Variants in PLCB1 observed in about 807,000 individuals in gnomAD.
PLCB1 encodes the protein phospholipase C beta 1.
In PLCB1, 46 loss-of-function variants were observed where a neutral mutation model predicts 161.8. The ratio of observed to expected loss-of-function variants is 0.28; its 90% CI spans 0.22 to 0.36. The LOEUF (loss-of-function observed/expected upper bound fraction) is 0.36, where lower values mean the gene tolerates loss of function less well. PLCB1 is among the 10% of genes least tolerant of loss of function. The pLI is 1.00. For synonymous variants in PLCB1, 517 were observed against 503.7 expected, an observed-to-expected ratio of 1.03 and a Z score of -0.35; for missense variants, 1,016 against 1,472.5, an observed-to-expected ratio of 0.69 and a Z score of 5.07.
intron 5 of PLCB1, among the ~76,000 whole-genome samples, chr20:8,647,318 T>A (rs1254707751): frequency 1.3e-5 from 2 of 152,244 alleles, no homozygotes; most frequent in Non-Finnish European, 2.9e-5. Context: ...TTATTGCTAG[T>A]TGGCTAATCA....
intron 9 of PLCB1, among the ~76,000 whole-genome samples, chr20:8,668,978 G>A (rs139328718): frequency 3.0e-3 from 451 of 152,270 alleles, no homozygotes; most frequent in Middle Eastern, 6.8e-3. Flanking sequence ...ATGCAGTTGC[G>A]TGGACACTTT....
At chr20:8,557,876 G>A (rs888842805) in intron 3 of PLCB1, among the ~76,000 whole-genome samples, 1 of 151,764 alleles carries the variant, frequency 6.6e-6, no homozygotes, top group Non-Finnish European at 1.5e-5. Context: ...AAAAAATTAT[G>A]AGTCATGAGA....
At chr20:8,741,635 C>A (rs1980886709) in intron 23 of PLCB1, 62 bp downstream of exon 23, 1 of 1,085,418 alleles carries the variant, frequency 9.2e-7, no homozygotes, top group African/African-American at 1.6e-5. Flanking sequence ...TACTTGTTGG[C>A]TTTGCCTAAG....
intron 31 of PLCB1, among the ~76,000 whole-genome samples, chr20:8,848,665 C>T (rs532713029): frequency 1.2e-4 from 18 of 152,238 alleles, no homozygotes; most frequent in Admixed American, 2.0e-4. Flanking sequence ...CTAAGCTACT[C>T]ACCTCATGAG....
rs544522536 is a variant in PLCB1 at position 8,757,545 on chromosome 20, G to A, written c.2656+367G>A. ...TCTTGCTTCATTAATTCTGTGCCAA[G>A]GGCTCCTTTCCCTCTTTCTCCAACT... On this transcript the variant is annotated intron_variant, in intron 24 of 31. Transcript: ENST00000338037. 3.3e-5 allele frequency among the ~76,000 whole-genome samples: 5 copies of A among 152,240 alleles called. No individual in the cohort carries two copies. The South Asian group carries it at 1.0e-3, about 32-fold the overall frequency.
intron 31 of PLCB1, among the ~76,000 whole-genome samples, chr20:8,854,711 G>A (rs377238738): frequency 1.3e-5 from 2 of 152,186 alleles, no homozygotes; most frequent in African/African-American, 2.4e-5. Context: ...ACTGAAAAGC[G>A]AGGAAGAGCC....
In PLCB1 at chr20:8,765,120, T is replaced by C. The variant is rs780766767; in HGVS notation, c.2711-19T>C. 6.3e-7 allele frequency: 1 copy of C among 1,599,324 alleles called. No homozygotes were observed. Among genetic ancestry groups the C allele is most frequent in the South Asian group, 1.1e-5 (1 of 89,090 alleles). ...TTCAGCCCTCCCATTCCCTTAGCTT[T>C]CATATTCATTTGTTGCAGAAGTGGA... On this transcript the variant is annotated intron_variant, in intron 25 of 31. Transcript: ENST00000338037.
At chr20:8,757,541 C>T (rs1981800480) in intron 24 of PLCB1, among the ~76,000 whole-genome samples, 1 of 152,162 alleles carries the variant, frequency 6.6e-6, no homozygotes, top group Non-Finnish European at 1.5e-5. Context: ...TAATTCTGTG[C>T]CAAGGGCTCC....
intron 3 of PLCB1, among the ~76,000 whole-genome samples, chr20:8,458,545 A>C (rs2122676552): frequency 6.6e-6 from 1 of 152,336 alleles, no homozygotes; most frequent in African/African-American, 2.4e-5. Context: ...TCTTTGCAAC[A>C]AGAAATTGCC....
Position 8,770,986 on chromosome 20 carries a change from G to C in PLCB1, c.2931-3553G>C, listed in dbSNP as rs933416467. Among the ~76,000 whole-genome samples the C allele has an allele frequency of 4.6e-5, 7 of 152,258 alleles. No homozygotes were observed. In the East Asian group the frequency reaches 1.4e-3, roughly 29 times the overall value. The stretch of plus-strand genomic sequence containing the variant: ...GTAGAATATTGAAGGTAACATCATA[G>C]AAGATTTGTATGTAAAAATCCCATG... On this transcript the variant is annotated intron_variant, in intron 26 of 31. Coordinates refer to ENST00000338037, the MANE Select transcript of PLCB1 (RefSeq NM_015192.4).
At chr20:8,457,226 G>A (rs1981355034) in intron 3 of PLCB1, among the ~76,000 whole-genome samples, 1 of 152,134 alleles carries the variant, frequency 6.6e-6, no homozygotes, top group Non-Finnish European at 1.5e-5. Flanking sequence ...CCTGGGACAT[G>A]GTGCATACAA....
chr20:8,472,569 G>A (rs1393424934), intron 3 of PLCB1, among the ~76,000 whole-genome samples: 2 of 152,026 alleles, frequency 1.3e-5, no homozygotes, highest in Non-Finnish European at 2.9e-5. Context: ...TTTAAGCCAG[G>A]TATGATGGTG....
chr20:8,521,971 C>T lies in PLCB1; in HGVS notation c.247-106323C>T, dbSNP rs546444286. ...TTCCATTGTAGCAAATGTGATTAGG[C>T]AGGGCCTTGACTAAATCACTAGAAC... On this transcript the variant is annotated intron_variant, in intron 3 of 31. Transcript: ENST00000338037. 5.9e-5 allele frequency among the ~76,000 whole-genome samples: 9 copies of T among 152,288 alleles called. No homozygotes were observed. The South Asian group carries it at 1.9e-3, about 32-fold the overall frequency.
At chr20:8,529,639 A>G (rs199503782) in intron 3 of PLCB1, among the ~76,000 whole-genome samples, 1 of 28,152 alleles carries the variant, frequency 3.6e-5, no homozygotes, top group East Asian at 5.8e-4. Context: ...TCAGTAGTTA[A>G]TATACAAGCA....
At position 8,174,842 on chromosome 20, in the gene PLCB1, A is replaced by G. The variant is rs185972338; in HGVS notation, c.177+24471A>G. On this transcript the variant is annotated intron_variant, in intron 2 of 31. Transcript: ENST00000338037. ...TGCAGGAGGATTGCATGAGGCCAGG[A>G]GTTTGAGACCAGCCTGGCCAAGATA... 6.8e-3 allele frequency among the ~76,000 whole-genome samples: 1,036 copies of G among 152,282 alleles called. 16 individuals carry two copies. The highest frequency in any genetic ancestry group is 0.022 in the African/African-American group (930 of 41,554).
rs779105372 is a variant in PLCB1, at chr20:8,425,709, A to T, written c.246+54259A>T. Among the ~76,000 whole-genome samples the T allele has an allele frequency of 1.1e-3, 167 of 152,342 alleles. 2 individuals are homozygous for T. The highest frequency in any genetic ancestry group is 2.3e-3 in the Non-Finnish European group (157 of 68,030). ...CTTTGCCTCTAAATTAGGTGACTGT[A>T]AACTCCCTAGGCAATGAGGAGATTC... On this transcript the variant is annotated intron_variant, in intron 3 of 31. Transcript: ENST00000338037.
intron 2 of PLCB1, among the ~76,000 whole-genome samples, chr20:8,228,890 G>C (rs1230564492): frequency 6.6e-6 from 1 of 151,962 alleles, no homozygotes. Flanking sequence ...AATTTGTTTT[G>C]TTGGGAACAT....
At chr20:8,731,043 C>T (rs546949005) in intron 18 of PLCB1, among the ~76,000 whole-genome samples, 3 of 151,808 alleles carry the variant, frequency 2.0e-5, no homozygotes, top group East Asian at 1.9e-4. Flanking sequence ...TTGGCCTTAC[C>T]GTTCTCAGGT....
intron 3 of PLCB1, among the ~76,000 whole-genome samples, chr20:8,492,850 G>A (rs6055857): frequency 0.011 from 163 of 14,410 alleles, no homozygotes; most frequent in South Asian, 0.03. Context: ...ATATATATAT[G>A]TGTGTGTGTG....
Sources: gnomAD v4.1 joint callset for allele counts (sites outside exome capture counted in the v4.1 genomes callset) on GRCh38, gnomAD v4.1.1 for gene constraint, MANE v1.5 for transcripts, NCBI Gene and HGNC (gene_info 2026-07-23, HGNC 2026-07-21) for gene names.